GSTA3: variants seen among roughly 807,000 people sequenced by gnomAD.
The protein encoded by GSTA3 is glutathione S-transferase alpha 3.
GSTA3 carries 16 observed loss-of-function variants against 23.1 expected under a neutral mutation model. The observed-to-expected ratio is 0.69, with a 90% CI of 0.47 to 1.05. GSTA3 has a LOEUF of 1.05. Among genes scored for constraint, GSTA3 ranks in the 50% least tolerant of loss-of-function variants. GSTA3 has a pLI of 0.00. For missense variants in GSTA3, 319 were observed against 263.6 expected, an observed-to-expected ratio of 1.21 and a Z score of -1.46; for synonymous variants, 122 against 91.0, an observed-to-expected ratio of 1.34 and a Z score of -1.94.
At chr6:52,897,136 G>A (rs1765475316) in intron 6 of GSTA3, among the ~76,000 whole-genome samples, 1 of 152,156 alleles carries the variant, frequency 6.6e-6, no homozygotes. Flanking sequence ...ATGTCTTAAA[G>A]TTTTAATCAA....
rs527316722 is a variant in GSTA3, at chr6:52,905,797, C to T, written c.38G>A (p.Arg13Gln). ...CCACCGGATGGGCTCCATTCTGCCC[C>T]GTCCATTGAAGTAGTGAAGCTTGGG... is the stretch of plus-strand genomic sequence containing the variant. ...GKPKLHYFNG[R>Q]GRMEPIRWLL... Residue 13 changes from arginine (R) to glutamine (Q), a missense_variant, in exon 2 of 7, where the codon CGG (arginine) becomes CAG (glutamine). Physicochemically the swap from Arg to Gln is conservative, Grantham distance 43 (BLOSUM62 1). Coordinates refer to ENST00000211122, the MANE Select transcript of GSTA3 (RefSeq NM_000847.5). 68 of 1,610,696 alleles carry T rather than the reference C, an allele frequency of 4.2e-5. No homozygotes were observed. The highest frequency in any genetic ancestry group is 1.2e-4 in the South Asian group (11 of 90,826).
intron 2 of GSTA3, among the ~76,000 whole-genome samples, chr6:52,904,618 C>G (rs1165726185): frequency 6.6e-6 from 1 of 152,184 alleles, no homozygotes; most frequent in Non-Finnish European, 1.5e-5. Flanking sequence ...ACCTGAAACC[C>G]TCCTTTTCTG....
At chr6:52,909,615 T>G (rs1766001376) in intron 1 of GSTA3, 26 bp downstream of exon 1, 1 of 152,210 alleles carries the variant, frequency 6.6e-6, no homozygotes, top group Non-Finnish European at 1.5e-5. Context: ...AGAACATTTA[T>G]GAAGATGTTT....
At chr6:52,906,936 T>C (rs1037373978) in intron 1 of GSTA3, among the ~76,000 whole-genome samples, 19 of 150,000 alleles carry the variant, frequency 1.3e-4, no homozygotes, top group Admixed American at 6.7e-4. Flanking sequence ...CCAAAAGCAA[T>C]GGCAACAAAA....
chr6:52,902,972 C>A (rs1765744236), intron 3 of GSTA3, among the ~76,000 whole-genome samples: 1 of 152,130 alleles, frequency 6.6e-6, no homozygotes, highest in Admixed American at 6.5e-5. Flanking sequence ...GAAAACAACT[C>A]AAGGTAATGG....
At position 52,900,083 on chromosome 6, in the gene GSTA3, A is replaced by G. The variant is rs2127356266; in HGVS notation, c.273-8T>C. The stretch of plus-strand genomic sequence containing the variant: ...TCTGTATACATATCAATTCTGAAAG[A>G]CAAAAACAGCCAAAGCATCAAATGC... On this transcript the variant is annotated splice_polypyrimidine_tract_variant and splice_region_variant and intron_variant, in intron 4 of 6. Transcript: ENST00000211122. The G allele has an allele frequency of 6.3e-7, 1 of 1,593,916 alleles. No homozygotes were observed. Among genetic ancestry groups the G allele is most frequent in the Non-Finnish European group, 8.5e-7 (1 of 1,173,040 alleles).
At chr6:52,900,163 T>C (rs566453200) in intron 4 of GSTA3, 88 bp from the exon 5 acceptor site, 7 of 1,159,540 alleles carry the variant, frequency 6.0e-6, no homozygotes, top group South Asian at 1.6e-5. Context: ...GAGGGTCAGA[T>C]GGTGGTAAGG....
intron 5 of GSTA3, among the ~76,000 whole-genome samples, chr6:52,899,575 C>T (rs561796683): frequency 5.9e-5 from 9 of 152,320 alleles, no homozygotes; most frequent in African/African-American, 2.2e-4. Context: ...TAATGGATCG[C>T]TTTCATCATG....
At chr6:52,897,703 C>T in intron 6 of GSTA3, 122 bp downstream of exon 6, 1 of 1,081,122 alleles carries the variant, frequency 9.2e-7, no homozygotes, top group South Asian at 1.4e-5. Context: ...TTTTGGAGAC[C>T]TGGGGGTACT....
rs1409859890 is a variant in GSTA3, at chr6:52,902,449, T to C, written c.169A>G (p.Met57Val). ...DGSLMFQQVP[M>V]VEIDGMKLVQ... ...AACTTCATCCCATCAATCTCAACCATTGGTACTTGCTGGAACATCAAACTC... is the reference window on the plus strand; with the variant it reads ...AACTTCATCCCATCAATCTCAACCACTGGTACTTGCTGGAACATCAAACTC... The change falls in exon 4 of 7, where the codon ATG becomes GTG. Residue 57 changes from methionine to valine, a missense_variant. Coordinates refer to ENST00000211122, the MANE Select transcript of GSTA3 (RefSeq NM_000847.5). The C allele has an allele frequency of 1.2e-6, 2 of 1,613,344 alleles. No individual in the cohort carries two copies. The highest frequency in any genetic ancestry group is 2.2e-5 in the East Asian group (1 of 44,890).
chr6:52,897,932 A>G lies in GSTA3; in HGVS notation c.439T>C (p.Tyr147His). The change falls in exon 6 of 7, where the codon TAC becomes CAC. Residue 147 changes from tyrosine (Y) to histidine (H), a missense_variant. Transcript: ENST00000211122. ...EKVLQSHGQDYLVGNKLSRAD... is the reference protein window; with the variant it reads ...EKVLQSHGQDHLVGNKLSRAD... ...CGGCTCAGCTTGTTGCCAACAAGGT[A>G]GTCTTGTCCATGGCTCTGTAACACC... The G allele has an allele frequency of 1.9e-6, 3 of 1,613,982 alleles. No individual in the cohort carries two copies. Among genetic ancestry groups the G allele is most frequent in the Non-Finnish European group, 2.5e-6 (3 of 1,179,894 alleles).
In GSTA3 at chr6:52,902,496, A is replaced by T; in HGVS notation, c.140-18T>A. 6.3e-7 allele frequency: 1 copy of T among 1,597,078 alleles called. No homozygotes were observed. The highest frequency in any genetic ancestry group is 8.5e-7 in the Non-Finnish European group (1 of 1,173,328). On this transcript the variant is annotated intron_variant, in intron 3 of 6. Coordinates refer to ENST00000211122, the MANE Select transcript of GSTA3 (RefSeq NM_000847.5). Reference sequence around the variant, plus strand: ...ACTCCCATCTTTAGAAAGAAGGAAAAAAAAGGAACATGAAATTTCTATGAA... The same window carrying T: ...ACTCCCATCTTTAGAAAGAAGGAAATAAAAGGAACATGAAATTTCTATGAA...
chr6:52,905,902 G>C (rs1432392336), intron 1 of GSTA3, 47 bp from the exon 2 acceptor site: 1 of 944,976 alleles, frequency 1.1e-6, no homozygotes, highest in Non-Finnish European at 1.7e-6. Context: ...AATGAGTCTA[G>C]AGAAGCAAAA....
intron 3 of GSTA3, 121 bp from the exon 4 acceptor site, chr6:52,902,599 C>T: frequency 9.9e-7 from 1 of 1,008,086 alleles, no homozygotes; most frequent in Non-Finnish European, 1.5e-6. Flanking sequence ...TGCCTGCTAA[C>T]CTCAAAAACG....
intron 5 of GSTA3, among the ~76,000 whole-genome samples, chr6:52,898,951 TG>T (rs1481285593): frequency 6.6e-6 from 1 of 152,092 alleles, no homozygotes; most frequent in Admixed American, 6.5e-5. Context: ...TTAAAGAGAA[TG>T]ACGGGGTGAG....
chr6:52,909,679 G>C lies in GSTA3; in HGVS notation c.-60C>G, dbSNP rs1401927050. 1 of 152,152 alleles carries C rather than the reference G, an allele frequency of 6.6e-6. No individual in the cohort carries two copies. Among genetic ancestry groups the C allele is most frequent in the Non-Finnish European group, 1.5e-5 (1 of 68,026 alleles). The allele number at this position is 152,152 out of a possible 1,614,324, so 9.4% of individuals were successfully genotyped here. ...AGCCGGTCTCCGCTCAGCTTCTCAA[G>C]GCCACCTCCTGATGTGTATGTTAGC... On this transcript the variant is annotated 5_prime_UTR_variant, in exon 1 of 7. Coordinates refer to ENST00000211122, the MANE Select transcript of GSTA3 (RefSeq NM_000847.5).
chr6:52,907,974 T>A (rs1329738036), intron 1 of GSTA3, among the ~76,000 whole-genome samples: 2 of 151,188 alleles, frequency 1.3e-5, no homozygotes, highest in Non-Finnish European at 2.9e-5. Context: ...TAAAGTATAA[T>A]AATAATAAAT....
chr6:52,897,202 G>A (rs746861120), intron 6 of GSTA3, among the ~76,000 whole-genome samples: 3 of 152,196 alleles, frequency 2.0e-5, no homozygotes, highest in Non-Finnish European at 4.4e-5. Context: ...AGTGACTCTT[G>A]TATAAGACAA....
At position 52,896,654 on chromosome 6, in the gene GSTA3, C is replaced by G; in HGVS notation, c.*152G>C. ...AAGGCTTAAATTTTAACTAAGTTAG[C>G]AAATAGGAGTTTTTATTATTTAATT... is the stretch of plus-strand genomic sequence containing the variant. On this transcript the variant is annotated 3_prime_UTR_variant, in exon 7 of 7. Transcript: ENST00000211122. 1.2e-6 allele frequency: 1 copy of G among 808,390 alleles called. No homozygotes were observed. The highest frequency in any genetic ancestry group is 1.8e-6 in the Non-Finnish European group (1 of 542,878). 50.1% of individuals were successfully genotyped at this position (808,390 alleles called of 1,614,324 possible). A position where few individuals can be genotyped will look rare whatever the true frequency, so the allele number is the denominator to read the frequency against.
Sources: allele counts gnomAD v4.1 joint callset (sites outside exome capture counted in the v4.1 genomes callset), GRCh38; gene constraint gnomAD v4.1.1; transcripts MANE v1.5; gene names NCBI Gene and HGNC (gene_info 2026-07-23, HGNC 2026-07-21).